Variants in FSTL5 observed in about 807,000 individuals in gnomAD.
FSTL5 encodes the protein follistatin-related protein 5.
In FSTL5, 62 loss-of-function variants were observed where a neutral mutation model predicts 89.1. The ratio of observed to expected loss-of-function variants is 0.70; its 90% CI spans 0.57 to 0.86. The LOEUF is 0.86. FSTL5 is among the 40% of genes least tolerant of loss of function. The pLI, the probability that FSTL5 is intolerant of heterozygous loss-of-function variation, is 0.00. For synonymous variants in FSTL5, 383 were observed against 346.2 expected (o/e 1.11, Z -1.18); for missense variants, 1,057 against 1,001.6 (o/e 1.06, Z -0.75).
rs558467826 is a variant in FSTL5, at chr4:161,963,338, G to A, written c.161-42686C>T. 2.4e-4 allele frequency among the ~76,000 whole-genome samples: 37 copies of A among 151,904 alleles called. 1 individual carries two copies. In the South Asian group the frequency reaches 7.7e-3, roughly 31 times the overall value. On this transcript the variant is annotated intron_variant, in intron 3 of 15. Coordinates refer to ENST00000306100, the MANE Select transcript of FSTL5 (RefSeq NM_020116.5). ...GTTACAAGATGAGTATTTTTAAGAA[G>A]TTGGTTTTGAAGTTTTAAAAATATA...
chr4:161,651,343 A>C (rs1444355311), intron 7 of FSTL5, among the ~76,000 whole-genome samples: 1 of 152,092 alleles, frequency 6.6e-6, no homozygotes, highest in Non-Finnish European at 1.5e-5. Flanking sequence ...AAAAAAAAAA[A>C]AAAGAAATTC....
chr4:161,705,958 A>ATGTGTGTG (rs1233550387), intron 6 of FSTL5, among the ~76,000 whole-genome samples: 1,204 of 52,888 alleles, frequency 0.023, 54 homozygotes, highest in African/African-American at 0.032. Flanking sequence ...GTGTGTATAT[A>ATGTGTGTG]TATATATATA....
chr4:161,833,385 T>C (rs1730914718), intron 4 of FSTL5, among the ~76,000 whole-genome samples: 1 of 149,082 alleles, frequency 6.7e-6, no homozygotes, highest in African/African-American at 2.5e-5. Context: ...GTTCTGTAGA[T>C]GTCTATTAGG....
chr4:161,626,240 T>A (rs1208399785), intron 7 of FSTL5, among the ~76,000 whole-genome samples: 1 of 152,184 alleles, frequency 6.6e-6, no homozygotes, highest in Non-Finnish European at 1.5e-5. Context: ...GAAGACAATG[T>A]CTGTCTTTAA....
At chr4:161,893,762 G>GT (rs1733063989) in intron 4 of FSTL5, among the ~76,000 whole-genome samples, 1 of 152,294 alleles carries the variant, frequency 6.6e-6, no homozygotes, top group African/African-American at 2.4e-5. Context: ...CTGATTTGCA[G>GT]TATCAGCAGT....
intron 3 of FSTL5, among the ~76,000 whole-genome samples, chr4:161,970,807 CA>C (rs879425787): frequency 4.3e-4 from 65 of 150,370 alleles, no homozygotes; most frequent in African/African-American, 1.1e-3. Flanking sequence ...CTCTGAATTG[CA>C]AAAAAAAATT....
intron 4 of FSTL5, among the ~76,000 whole-genome samples, chr4:161,919,838 A>G (rs1404888487): frequency 1.3e-5 from 2 of 152,080 alleles, no homozygotes; most frequent in African/African-American, 4.8e-5. Flanking sequence ...TAAACCAATG[A>G]TTTTCAAATG....
chr4:162,064,972 T>C (rs987622160), intron 2 of FSTL5, among the ~76,000 whole-genome samples: 3 of 152,030 alleles, frequency 2.0e-5, no homozygotes, highest in African/African-American at 7.2e-5. Context: ...CAACTAATCT[T>C]TGGGAAGAGT....
chr4:161,891,960 TG>T (rs1733002102), intron 4 of FSTL5, among the ~76,000 whole-genome samples: 1 of 152,066 alleles, frequency 6.6e-6, no homozygotes, highest in Non-Finnish European at 1.5e-5. Flanking sequence ...TTTGCCATCA[TG>T]GAAGTCCATA....
intron 7 of FSTL5, among the ~76,000 whole-genome samples, chr4:161,635,707 G>C (rs1490849465): frequency 6.6e-6 from 1 of 152,028 alleles, no homozygotes; most frequent in Non-Finnish European, 1.5e-5. Context: ...AACAACTACT[G>C]ATTCATTACG....
chr4:162,055,502 A>G (rs1227130038), intron 2 of FSTL5, among the ~76,000 whole-genome samples: 10 of 146,156 alleles, frequency 6.8e-5, no homozygotes, highest in Admixed American at 5.6e-4. Context: ...ATATATATAA[A>G]TAGATAGATG....
chr4:161,950,776 G>A (rs995744839), intron 3 of FSTL5, among the ~76,000 whole-genome samples: 1 of 152,046 alleles, frequency 6.6e-6, no homozygotes, highest in African/African-American at 2.4e-5. Context: ...TGGCCTGCTG[G>A]CTACAGCCCA....
At chr4:162,060,760 AACCTTTGACATAATTT>A (rs1345154250) in intron 2 of FSTL5, among the ~76,000 whole-genome samples, 2 of 152,060 alleles carry the variant, frequency 1.3e-5, no homozygotes, top group Non-Finnish European at 2.9e-5. Context: ...TTCTGTTTAA[AACCTTTGACATAATTT>A]TTGAGAAAAA....
intron 3 of FSTL5, among the ~76,000 whole-genome samples, chr4:161,977,612 C>CAAAAAAA (rs796909244): frequency 1.6e-4 from 15 of 95,128 alleles, no homozygotes; most frequent in African/African-American, 4.3e-4. Context: ...GACTCCGTGT[C>CAAAAAAA]AAAAAAAAAA....
chr4:161,407,621 G>A (rs1731431544), intron 15 of FSTL5, among the ~76,000 whole-genome samples: 1 of 122,824 alleles, frequency 8.1e-6, no homozygotes, highest in Non-Finnish European at 1.9e-5. Context: ...GAGATTAGAT[G>A]GGGAGACAGT....
chr4:162,062,753 C>T (rs1049320711), intron 2 of FSTL5, among the ~76,000 whole-genome samples: 11 of 150,196 alleles, frequency 7.3e-5, no homozygotes, highest in Non-Finnish European at 1.2e-4. Flanking sequence ...ATACACACAC[C>T]TTTTTGCTCA....
At chr4:161,557,218 TA>T (rs576995024) in intron 8 of FSTL5, among the ~76,000 whole-genome samples, 8 of 151,468 alleles carry the variant, frequency 5.3e-5, no homozygotes, top group Non-Finnish European at 1.2e-4. Context: ...AGAGCAGCCT[TA>T]AAAATTATAT....
At chr4:161,480,626 G>T (rs1183137270) in intron 13 of FSTL5, among the ~76,000 whole-genome samples, 1 of 152,038 alleles carries the variant, frequency 6.6e-6, no homozygotes, top group Non-Finnish European at 1.5e-5. Context: ...AATTGTCTTG[G>T]TCTTTGTTAA....
At chr4:161,826,341 G>T (rs528024755) in intron 4 of FSTL5, among the ~76,000 whole-genome samples, 1 of 152,116 alleles carries the variant, frequency 6.6e-6, no homozygotes, top group African/African-American at 2.4e-5. Flanking sequence ...TGAATAGAAT[G>T]TATATTCTGC....
Sources: allele counts gnomAD v4.1 joint callset (sites outside exome capture counted in the v4.1 genomes callset), GRCh38; gene constraint gnomAD v4.1.1; transcripts MANE v1.5; gene names NCBI Gene and HGNC (gene_info 2026-07-23, HGNC 2026-07-21).